DIS3L2: variants seen among roughly 807,000 people sequenced by gnomAD.
DIS3L2 encodes DIS3 like 3'-5' exoribonuclease 2.
A neutral mutation model predicts 97.5 loss-of-function variants in DIS3L2; 34 were observed. The ratio of observed to expected loss-of-function variants is 0.35; its 90% CI spans 0.27 to 0.46. The LOEUF (loss-of-function observed/expected upper bound fraction) is 0.46, where lower values mean the gene tolerates loss of function less well. Ranked by LOEUF, DIS3L2 falls within the 20% of genes least tolerant of loss-of-function variation. The pLI is 1.00. For missense variants in DIS3L2, 1,038 were observed against 1,146.0 expected (o/e 0.91, Z 1.36); for synonymous variants, 435 against 445.2 (o/e 0.98, Z 0.29).
intron 6 of DIS3L2, among the ~76,000 whole-genome samples, chr2:232,106,879 A>G (rs553653109): frequency 1.9e-4 from 29 of 152,248 alleles, no homozygotes; most frequent in Non-Finnish European, 3.4e-4. Flanking sequence ...CAGCAAATGC[A>G]AAAGAACTGA....
chr2:232,137,629 G>A (rs1209392910), intron 8 of DIS3L2, among the ~76,000 whole-genome samples: 1 of 152,118 alleles, frequency 6.6e-6, no homozygotes, highest in Non-Finnish European at 1.5e-5. Flanking sequence ...GCTTTTATCA[G>A]GTTTATTCTA....
chr2:232,007,996 TATTC>T (rs1379155351), intron 1 of DIS3L2, among the ~76,000 whole-genome samples: 1 of 152,048 alleles, frequency 6.6e-6, no homozygotes, highest in Non-Finnish European at 1.5e-5. Context: ...GTTATATGTC[TATTC>T]AGATTTTCTA....
chr2:232,313,462 T>C (rs1414727553), intron 14 of DIS3L2, among the ~76,000 whole-genome samples: 1 of 152,238 alleles, frequency 6.6e-6, no homozygotes, highest in Non-Finnish European at 1.5e-5. Flanking sequence ...TGGCTGTACA[T>C]TTGAACAAGG....
chr2:232,045,754 AACCTCC>A (rs1695223783), intron 5 of DIS3L2, among the ~76,000 whole-genome samples: 1 of 142,948 alleles, frequency 7.0e-6, no homozygotes, highest in African/African-American at 2.6e-5. Context: ...GGCTCACTGC[AACCTCC>A]ACCTCCTGGG....
intron 7 of DIS3L2, among the ~76,000 whole-genome samples, chr2:232,135,012 A>C (rs1227967041): frequency 6.6e-6 from 1 of 152,128 alleles, no homozygotes; most frequent in African/African-American, 2.4e-5. Context: ...GGAGTGCAGC[A>C]CTGGAGAACA....
At position 231,975,622 on chromosome 2, in the gene DIS3L2, G is replaced by A. The variant is rs139151767; in HGVS notation, c.-94+13857G>A. Among the ~76,000 whole-genome samples, 10 of 148,362 alleles carry A rather than the reference G, an allele frequency of 6.7e-5. No individual in the cohort carries two copies. In the South Asian group the frequency reaches 1.3e-3, roughly 20 times the overall value. Reference sequence around the variant, plus strand: ...TGGGAGGCTGAGACAGGAGAATGGCGTGAACCCAGGACGCAGAGCTTGCAG... The same window carrying A: ...TGGGAGGCTGAGACAGGAGAATGGCATGAACCCAGGACGCAGAGCTTGCAG... On this transcript the variant is annotated intron_variant, in intron 1 of 20. Transcript: ENST00000325385.
chr2:232,165,659 G>C (rs1235540827), intron 9 of DIS3L2, among the ~76,000 whole-genome samples: 1 of 152,168 alleles, frequency 6.6e-6, no homozygotes, highest in Non-Finnish European at 1.5e-5. Context: ...AAAATGCTGG[G>C]ATTATAAGCA....
intron 6 of DIS3L2, among the ~76,000 whole-genome samples, chr2:232,090,319 C>G (rs564220205): frequency 2.6e-5 from 4 of 152,064 alleles, no homozygotes; most frequent in Non-Finnish European, 5.9e-5. Context: ...TTTTTGCATC[C>G]TTCCTAGCCC....
intron 6 of DIS3L2, among the ~76,000 whole-genome samples, chr2:232,114,269 C>T (rs550703388): frequency 1.3e-5 from 2 of 148,534 alleles, no homozygotes; most frequent in Admixed American, 6.8e-5. Flanking sequence ...AGAGCAACAG[C>T]GCTGGAATAA....
chr2:232,122,542 C>T (rs916168195), intron 6 of DIS3L2, among the ~76,000 whole-genome samples: 1 of 152,074 alleles, frequency 6.6e-6, no homozygotes, highest in Admixed American at 6.5e-5. Context: ...CATGGTGAAA[C>T]CCTGTCTCTA....
intron 6 of DIS3L2, among the ~76,000 whole-genome samples, chr2:232,100,192 ATTTTT>A (rs10594218): frequency 3.6e-5 from 4 of 112,518 alleles, no homozygotes; most frequent in African/African-American, 3.5e-5. Context: ...CCCTGCTAAT[ATTTTT>A]TTTTTTTTTT....
At chr2:231,997,041 C>G (rs1462019068) in intron 1 of DIS3L2, among the ~76,000 whole-genome samples, 1 of 152,330 alleles carries the variant, frequency 6.6e-6, no homozygotes, top group Admixed American at 6.5e-5. Context: ...CTGTCTCCTC[C>G]CCTAGATTGT....
intron 13 of DIS3L2, among the ~76,000 whole-genome samples, chr2:232,282,348 C>G (rs947232347): frequency 1.3e-5 from 2 of 152,136 alleles, no homozygotes; most frequent in Admixed American, 6.5e-5. Context: ...CATCCCACCC[C>G]TGCTGGTGCC....
intron 8 of DIS3L2, among the ~76,000 whole-genome samples, chr2:232,142,824 C>T (rs1690102613): frequency 6.6e-6 from 1 of 152,072 alleles, no homozygotes; most frequent in African/African-American, 2.4e-5. Flanking sequence ...TTCGTTTTTA[C>T]TTTGTATTGT....
intron 13 of DIS3L2, among the ~76,000 whole-genome samples, chr2:232,275,419 A>C (rs1489427914): frequency 6.6e-6 from 1 of 152,218 alleles, no homozygotes; most frequent in Non-Finnish European, 1.5e-5. Context: ...CGGCTAGCTC[A>C]GAGCTGTTCA....
chr2:232,027,027 A>G (rs3116230), intron 4 of DIS3L2, among the ~76,000 whole-genome samples: 121,030 of 152,086 alleles, frequency 0.8, 48,883 homozygotes, highest in African/African-American at 0.92. Flanking sequence ...GCCCATTGCA[A>G]GTGATTGTAT....
intron 9 of DIS3L2, among the ~76,000 whole-genome samples, chr2:232,166,459 T>C (rs867143286): frequency 6.6e-6 from 1 of 152,070 alleles, no homozygotes; most frequent in Non-Finnish European, 1.5e-5. Flanking sequence ...GCGCCGTGGC[T>C]CAACGCCTGT....
rs1252677975 is a variant in DIS3L2, at chr2:232,268,987, C to T, written c.1659+5547C>T. 2.0e-5 allele frequency among the ~76,000 whole-genome samples: 3 copies of T among 152,218 alleles called. No homozygotes were observed. The highest frequency in any genetic ancestry group is 7.2e-5 in the African/African-American group (3 of 41,450). ...AGCATCAGTTCCCTTATTCCATTTACAGGCAGGTCGCTTTAATTAGCCTGA... is the reference window on the plus strand; with the variant it reads ...AGCATCAGTTCCCTTATTCCATTTATAGGCAGGTCGCTTTAATTAGCCTGA... On this transcript the variant is annotated intron_variant, in intron 13 of 20. Coordinates refer to ENST00000325385, the MANE Select transcript of DIS3L2 (RefSeq NM_152383.5). The surrounding 1 kb of genome is among the most constrained non-coding windows in gnomAD (Gnocchi z 4.1).
chr2:232,096,287 C>T (rs77262646), intron 6 of DIS3L2, among the ~76,000 whole-genome samples: 13,910 of 151,792 alleles, frequency 0.092, 1,460 homozygotes, highest in East Asian at 0.5. Flanking sequence ...AGGGTTTCAC[C>T]GTGTTAGCCA....
Sources: gnomAD v4.1 joint callset for allele counts (sites outside exome capture counted in the v4.1 genomes callset) on GRCh38, gnomAD v4.1.1 for gene constraint, Gnocchi (gnomAD v3.1) non-coding constraint, MANE v1.5 for transcripts, NCBI Gene and HGNC (gene_info 2026-07-23, HGNC 2026-07-21) for gene names.